Variants in RMDN2 observed in about 807,000 individuals in gnomAD.
RMDN2 encodes regulator of microtubule dynamics protein 2.
In RMDN2, 61 loss-of-function variants were observed where a neutral mutation model predicts 52.8. That is an observed-to-expected ratio of 1.16 (90% CI 0.94 to 1.43). The LOEUF (loss-of-function observed/expected upper bound fraction) is 1.43, where lower values mean the gene tolerates loss of function less well. RMDN2 is among the 40% of genes most tolerant of loss of function. RMDN2 has a pLI of 0.00. For synonymous variants in RMDN2, 180 were observed against 153.1 expected, an observed-to-expected ratio of 1.18 and a Z score of -1.30; for missense variants, 592 against 475.3, an observed-to-expected ratio of 1.25 and a Z score of -2.28.
At chr2:38,040,025 A>G (rs960813190) in intron 10 of RMDN2, among the ~76,000 whole-genome samples, 2 of 148,768 alleles carry the variant, frequency 1.3e-5, no homozygotes, top group African/African-American at 4.9e-5. Flanking sequence ...TTTGAACAGT[A>G]TAAGGCCTGT....
intron 5 of RMDN2, among the ~76,000 whole-genome samples, chr2:37,983,552 GTTGA>G (rs1458155463): frequency 1.2e-4 from 19 of 152,028 alleles, no homozygotes; most frequent in South Asian, 2.1e-4. Flanking sequence ...AAATTAATCA[GTTGA>G]TTAAGATTTG....
At chr2:38,045,373 G>T (rs1245479375) in intron 10 of RMDN2, among the ~76,000 whole-genome samples, 1 of 152,190 alleles carries the variant, frequency 6.6e-6, no homozygotes, top group East Asian at 1.9e-4. Context: ...CTTAACAGAA[G>T]AAACTGCTGC....
chr2:37,923,743 C>G (rs1451810456), upstream of RMDN2, among the ~76,000 whole-genome samples: 1 of 152,180 alleles, frequency 6.6e-6, no homozygotes, highest in African/African-American at 2.4e-5. Context: ...TTTCCAAATA[C>G]AACTTAGGTT....
chr2:38,046,430 A>G (rs1191211425), intron 10 of RMDN2, among the ~76,000 whole-genome samples: 2 of 152,218 alleles, frequency 1.3e-5, no homozygotes, highest in Non-Finnish European at 2.9e-5. Flanking sequence ...CAGCAGAGAA[A>G]AAAAAGCAGA....
chr2:37,997,714 C>G (rs1553373333), intron 8 of RMDN2, 200 bp downstream of exon 8: 2 of 530,168 alleles, frequency 3.8e-6, no homozygotes, highest in Non-Finnish European at 3.4e-6. Context: ...CTAGTTATGC[C>G]CTAGGTTCTA....
At chr2:38,053,242 AT>A (rs34224810) in intron 10 of RMDN2, among the ~76,000 whole-genome samples, 1 of 152,202 alleles carries the variant, frequency 6.6e-6, no homozygotes, top group African/African-American at 2.4e-5. Context: ...TCTAAATATA[AT>A]TGCCAAAGAC....
rs551077624 is a variant in RMDN2, at chr2:37,987,932, G to A, written c.792-1609G>A. Among the ~76,000 whole-genome samples, 3 of 152,256 alleles carry A rather than the reference G, an allele frequency of 2.0e-5. No individual in the cohort carries two copies. The East Asian group carries it at 5.8e-4, about 29-fold the overall frequency. On this transcript the variant is annotated intron_variant, in intron 5 of 10. Transcript: ENST00000354545. ...AAATTAGCCAGGCATGGTGGCACAT[G>A]CCTGTAGTCCCAGCTACTCAGGAAG...
At chr2:37,993,113 C>T (rs1241979354) in intron 7 of RMDN2, among the ~76,000 whole-genome samples, 3 of 151,998 alleles carry the variant, frequency 2.0e-5, no homozygotes, top group African/African-American at 4.8e-5. Context: ...TTAGTAGAGA[C>T]GGAGTTTCGC....
intron 2 of RMDN2, among the ~76,000 whole-genome samples, chr2:37,967,082 G>C (rs1370618878): frequency 6.6e-6 from 1 of 152,066 alleles, no homozygotes; most frequent in African/African-American, 2.4e-5. Flanking sequence ...AAGGGATGAG[G>C]TGATGTTAAA....
In RMDN2 at chr2:37,950,494, C is replaced by G. The variant is rs370137966; in HGVS notation, c.452+20765C>G. ...CAGCTTGAGCATTCAGTCTTCTGAC[C>G]TGTTCCACCTCTACAGGGCATTTTA... On this transcript the variant is annotated intron_variant, in intron 2 of 10. Coordinates refer to ENST00000354545, the MANE Select transcript of RMDN2 (RefSeq NM_001170791.3). The G allele has an allele frequency of 2.1e-5, 34 of 1,612,474 alleles. 1 individual carries two copies. The African/African-American group carries it at 4.1e-4, about 20-fold the overall frequency.
intron 10 of RMDN2, among the ~76,000 whole-genome samples, chr2:38,029,100 A>G (rs1348428248): frequency 6.6e-6 from 1 of 152,134 alleles, no homozygotes; most frequent in Non-Finnish European, 1.5e-5. Flanking sequence ...CACAAGGCCT[A>G]CAGTATAAAG....
chr2:37,932,068 T>G (rs900447627), intron 2 of RMDN2, among the ~76,000 whole-genome samples: 2 of 152,148 alleles, frequency 1.3e-5, no homozygotes, highest in Non-Finnish European at 2.9e-5. Context: ...TTATTTTATT[T>G]ATTTATTTTT....
intron 2 of RMDN2, among the ~76,000 whole-genome samples, chr2:37,934,443 G>A (rs1012623314): frequency 6.6e-6 from 1 of 152,196 alleles, no homozygotes; most frequent in Non-Finnish European, 1.5e-5. Context: ...AGAGGGGTCT[G>A]TTAAGTTTGT....
At chr2:38,066,115 T>G (rs1008376649) in intron 10 of RMDN2, among the ~76,000 whole-genome samples, 1 of 152,238 alleles carries the variant, frequency 6.6e-6, no homozygotes, top group African/African-American at 2.4e-5. Flanking sequence ...AGAATACTTC[T>G]AAATATATAA....
At chr2:38,062,210 G>C (rs1274121536) in intron 10 of RMDN2, among the ~76,000 whole-genome samples, 1 of 152,148 alleles carries the variant, frequency 6.6e-6, no homozygotes, top group Non-Finnish European at 1.5e-5. Flanking sequence ...ACTCCACCAG[G>C]CTATCCTTTT....
chr2:38,018,577 A>G (rs555388602), downstream of RMDN2, among the ~76,000 whole-genome samples: 130 of 152,332 alleles, frequency 8.5e-4, no homozygotes, highest in Non-Finnish European at 5.7e-4. Context: ...AGGCAACGGC[A>G]CAGAACATCT....
chr2:37,960,870 T>G lies in RMDN2; in HGVS notation c.453-13170T>G, dbSNP rs932461298. Among the ~76,000 whole-genome samples, 19 of 152,346 alleles carry G rather than the reference T, an allele frequency of 1.2e-4. No individual in the cohort carries two copies. The Middle Eastern group carries it at 0.01, about 82-fold the overall frequency. On this transcript the variant is annotated intron_variant, in intron 2 of 10. Coordinates refer to ENST00000354545, the MANE Select transcript of RMDN2 (RefSeq NM_001170791.3). ...ATTTAATGCTTCCTTCAGGAACTCT[T>G]GTAAGGCAGGCCTGGTGGTTACCAA...
chr2:38,022,204 G>A (rs150622385), downstream of RMDN2, among the ~76,000 whole-genome samples: 1,144 of 152,288 alleles, frequency 7.5e-3, 14 homozygotes, highest in South Asian at 0.047. Context: ...TCTGTAATGA[G>A]GCCACGTAAA....
downstream of RMDN2, among the ~76,000 whole-genome samples, chr2:38,019,710 G>A (rs879573311): frequency 2.0e-5 from 3 of 152,088 alleles, no homozygotes; most frequent in Admixed American, 6.5e-5. Flanking sequence ...GAGGCGGGAG[G>A]ATTCATTGAG....
Sources: allele counts gnomAD v4.1 joint callset (sites outside exome capture counted in the v4.1 genomes callset), GRCh38; gene constraint gnomAD v4.1.1; transcripts MANE v1.5; gene names NCBI Gene and HGNC (gene_info 2026-07-23, HGNC 2026-07-21).